Variants in ANAPC1 observed in about 807,000 individuals in gnomAD.
ANAPC1 encodes the protein anaphase promoting complex subunit 1.
In ANAPC1, 36 loss-of-function variants were observed where a neutral mutation model predicts 208.0. The ratio of observed to expected loss-of-function variants is 0.17; its 90% CI spans 0.13 to 0.23. The LOEUF is 0.23. ANAPC1 is among the 10% of genes least tolerant of loss of function. The pLI is 1.00. For synonymous variants in ANAPC1, 378 were observed against 695.2 expected, an observed-to-expected ratio of 0.54 and a Z score of 7.18; for missense variants, 942 against 2,011.6, an observed-to-expected ratio of 0.47 and a Z score of 10.17.
intron 14 of ANAPC1, among the ~76,000 whole-genome samples, chr2:111,849,406 G>T (rs187263131): frequency 6.6e-6 from 1 of 152,072 alleles, no homozygotes; most frequent in Non-Finnish European, 1.5e-5. Flanking sequence ...CTGCAAATGT[G>T]CTGGTTTGAA....
chr2:111,845,124 A>G (rs899368881), intron 16 of ANAPC1, among the ~76,000 whole-genome samples: 26 of 152,232 alleles, frequency 1.7e-4, no homozygotes, highest in Non-Finnish European at 3.1e-4. Flanking sequence ...AGGGGATTAC[A>G]AGCATGAGCC....
intron 26 of ANAPC1, among the ~76,000 whole-genome samples, chr2:111,819,938 C>T (rs1679430377): frequency 1.3e-5 from 2 of 152,218 alleles, no homozygotes; most frequent in South Asian, 4.1e-4. Context: ...AGCCAAGAGG[C>T]TGTTGCAACC....
chr2:111,767,033 G>C (rs1676489095), downstream of ANAPC1: 1 of 466,000 alleles, frequency 2.1e-6, no homozygotes, highest in Admixed American at 2.4e-5. Flanking sequence ...GTCTACTGGG[G>C]AAAGAACCAC....
At chr2:111,863,916 A>G in intron 8 of ANAPC1, 21 bp from the exon 9 acceptor site, 1 of 1,528,236 alleles carries the variant, frequency 6.5e-7, no homozygotes. Flanking sequence ...AATAAAGAGA[A>G]AGAGGAAAAA....
intron 13 of ANAPC1, among the ~76,000 whole-genome samples, chr2:111,852,858 A>G (rs182866774): frequency 0.022 from 3,294 of 152,062 alleles, 111 homozygotes; most frequent in African/African-American, 0.074. Flanking sequence ...GTGGTGGCTC[A>G]TGTCTGTAAT....
At chr2:111,863,532 A>ATT in intron 9 of ANAPC1, 143 bp downstream of exon 9, 1 of 284,688 alleles carries the variant, frequency 3.5e-6, no homozygotes. Context: ...AAAAAAAAAA[A>ATT]GGCTCAATTG....
At chr2:111,794,767 T>G (rs1678072788) in intron 35 of ANAPC1, 51 bp downstream of exon 35, 1 of 849,542 alleles carries the variant, frequency 1.2e-6, no homozygotes. Context: ...TATTTCAATT[T>G]AATTATCTGA....
intron 3 of ANAPC1, among the ~76,000 whole-genome samples, chr2:111,877,682 G>A (rs1415337778): frequency 2.0e-5 from 3 of 152,118 alleles, no homozygotes; most frequent in East Asian, 3.9e-4. Context: ...TACTCGGGAG[G>A]GTGAGGCGGG....
At chr2:111,867,804 T>C (rs982227348) in intron 7 of ANAPC1, among the ~76,000 whole-genome samples, 1 of 152,150 alleles carries the variant, frequency 6.6e-6, no homozygotes, top group Non-Finnish European at 1.5e-5. Context: ...GGTTAATAAA[T>C]ATATCGGTAT....
chr2:111,851,498 T>A (rs1369748331), intron 13 of ANAPC1, among the ~76,000 whole-genome samples: 1 of 152,032 alleles, frequency 6.6e-6, no homozygotes, highest in Admixed American at 6.6e-5. Flanking sequence ...CTTCTACCTT[T>A]TTGGTCATAA....
At chr2:111,866,723 CAA>C (rs1224733777) in intron 7 of ANAPC1, among the ~76,000 whole-genome samples, 2 of 70,904 alleles carry the variant, frequency 2.8e-5, no homozygotes, top group Non-Finnish European at 2.8e-5. Flanking sequence ...GACTCCGTCT[CAA>C]AAAAAAAAAA....
Position 111,794,240 on chromosome 2 carries a change from T to C in ANAPC1, c.4457A>G (p.Asn1486Ser), listed in dbSNP as rs767064143. The C allele has an allele frequency of 1.1e-5, 18 of 1,611,406 alleles. No individual in the cohort carries two copies. In the East Asian group the frequency reaches 4.0e-4, roughly 36 times the overall value. The change falls in exon 36 of 48, where the codon AAC (asparagine) becomes AGC (serine). Residue 1486 changes from asparagine to serine, a missense_variant. Coordinates refer to ENST00000341068, the MANE Select transcript of ANAPC1 (RefSeq NM_022662.4). ...AACTAAAATACTTCTTACCAAACAG[T>C]TAAATGCTGATAAGTTTTCTGAGCC... ...FAGSENLSAFNCLHKFAKDFM... is the reference protein window; with the variant it reads ...FAGSENLSAFSCLHKFAKDFM...
rs995262280 is a variant in ANAPC1 at position 111,796,334 on chromosome 2, C to CT, written c.4297-1441dup. Among the ~76,000 whole-genome samples, 37 of 147,560 alleles carry CT rather than the reference C, an allele frequency of 2.5e-4. 2 individuals carry two copies. The highest frequency in any genetic ancestry group is 5.9e-4 in the East Asian group (3 of 5,078). ...ATCAAAGACTTAAAATATCTTTCCT[C>CT]TTTTTTTTTGCCTTGAGACAGGGTC... On this transcript the variant is annotated intron_variant, in intron 34 of 47. Coordinates refer to ENST00000341068, the MANE Select transcript of ANAPC1 (RefSeq NM_022662.4).
chr2:111,865,040 T>C, intron 7 of ANAPC1, 89 bp from the exon 8 acceptor site: 2 of 1,445,472 alleles, frequency 1.4e-6, no homozygotes, highest in Non-Finnish European at 1.8e-6. Flanking sequence ...TTGTTAAAGA[T>C]AAAGAACAAC....
At chr2:111,788,820 T>A (rs961610209) in intron 38 of ANAPC1, among the ~76,000 whole-genome samples, 1 of 151,920 alleles carries the variant, frequency 6.6e-6, no homozygotes, top group Non-Finnish European at 1.5e-5. Context: ...ACTGACTAAA[T>A]GAAAAGGCAA....
At chr2:111,840,905 T>A (rs1194826257) in intron 17 of ANAPC1, among the ~76,000 whole-genome samples, 3 of 152,074 alleles carry the variant, frequency 2.0e-5, no homozygotes, top group African/African-American at 7.2e-5. Context: ...TAGCCAGGCG[T>A]GGAGGTACAT....
chr2:111,832,558 G>A (rs1680206436), intron 20 of ANAPC1, among the ~76,000 whole-genome samples: 1 of 152,092 alleles, frequency 6.6e-6, no homozygotes, highest in South Asian at 2.1e-4. Flanking sequence ...GTGCACTGAG[G>A]AAATATGTTT....
At chr2:111,855,144 G>A (rs1166679028) in intron 13 of ANAPC1, among the ~76,000 whole-genome samples, 1 of 152,170 alleles carries the variant, frequency 6.6e-6, no homozygotes, top group East Asian at 1.9e-4. Flanking sequence ...TGAGGCAGGA[G>A]GAGACAGAGA....
chr2:111,842,642 C>CAA (rs1320611057), intron 17 of ANAPC1, among the ~76,000 whole-genome samples: 135 of 83,926 alleles, frequency 1.6e-3, no homozygotes, highest in African/African-American at 3.9e-3. Flanking sequence ...CATTCTGTCT[C>CAA]AAAAAAAAAA....
Sources: allele counts gnomAD v4.1 joint callset (sites outside exome capture counted in the v4.1 genomes callset), GRCh38; gene constraint gnomAD v4.1.1; transcripts MANE v1.5; gene names NCBI Gene and HGNC (gene_info 2026-07-23, HGNC 2026-07-21).